Variants in IFTAP observed in about 807,000 individuals in gnomAD.
The protein encoded by IFTAP is intraflagellar transport associated protein.
IFTAP carries 19 observed loss-of-function variants against 19.4 expected under a neutral mutation model. That is an observed-to-expected ratio of 0.98 (90% CI 0.68 to 1.44). The LOEUF (loss-of-function observed/expected upper bound fraction) is 1.44, where lower values mean the gene tolerates loss of function less well. Ranked by LOEUF, IFTAP falls within the 40% of genes most tolerant of loss-of-function variation. The pLI, the probability that IFTAP is intolerant of heterozygous loss-of-function variation, is 0.00. For missense variants in IFTAP, 240 were observed against 253.6 expected (o/e 0.95, Z 0.36); for synonymous variants, 85 against 83.5 (o/e 1.02, Z -0.10).
chr11:36,619,573 C>T (rs943753402), intron 2 of IFTAP, among the ~76,000 whole-genome samples: 1 of 151,994 alleles, frequency 6.6e-6, no homozygotes, highest in African/African-American at 2.4e-5. Flanking sequence ...AAAAATAATC[C>T]TTGCTGTGTA....
chr11:36,618,602 T>C (rs1852183066), intron 2 of IFTAP, among the ~76,000 whole-genome samples: 1 of 151,792 alleles, frequency 6.6e-6, no homozygotes, highest in Non-Finnish European at 1.5e-5. Flanking sequence ...AAGAAGAGAA[T>C]ACAGAATGAC....
intron 5 of IFTAP, among the ~76,000 whole-genome samples, chr11:36,655,696 C>T (rs1853952059): frequency 6.6e-6 from 1 of 152,136 alleles, no homozygotes; most frequent in Admixed American, 6.6e-5. Context: ...GACGTTATTA[C>T]TATTTTTTAT....
At chr11:36,635,105 T>C (rs1852888373) in intron 3 of IFTAP, among the ~76,000 whole-genome samples, 1 of 152,166 alleles carries the variant, frequency 6.6e-6, no homozygotes. Context: ...AAAATTCCTA[T>C]GTAATAGCTA....
chr11:36,647,308 A>T (rs1853526846), intron 4 of IFTAP, among the ~76,000 whole-genome samples: 1 of 152,090 alleles, frequency 6.6e-6, no homozygotes, highest in Non-Finnish European at 1.5e-5. Flanking sequence ...TGTCCTCCTT[A>T]AAGAAAGCTG....
rs1439010117 is a variant in IFTAP, at chr11:36,636,121, T to A, written c.358+4T>A. On this transcript the variant is annotated splice_donor_region_variant and intron_variant, in intron 4 of 5. Coordinates refer to ENST00000334307, the MANE Select transcript of IFTAP (RefSeq NM_138787.4). The stretch of plus-strand genomic sequence containing the variant: ...ATTAAACCCCAAATGAGTGAGGGTA[T>A]GCTTTCTATTTCCTTTCTATACTAC... 1 of 1,601,844 alleles carries A rather than the reference T, an allele frequency of 6.2e-7. No homozygotes were observed. Among genetic ancestry groups the A allele is most frequent in the Non-Finnish European group, 8.6e-7 (1 of 1,169,402 alleles).
chr11:36,637,650 C>T (rs1248696114), intron 4 of IFTAP, among the ~76,000 whole-genome samples: 1 of 152,120 alleles, frequency 6.6e-6, no homozygotes, highest in African/African-American at 2.4e-5. Context: ...TGCATTTTAA[C>T]CGACACCCCC....
intron 4 of IFTAP, among the ~76,000 whole-genome samples, chr11:36,643,441 T>G (rs1470112883): frequency 6.6e-6 from 1 of 152,176 alleles, no homozygotes; most frequent in Non-Finnish European, 1.5e-5. Flanking sequence ...ATTTATAGAT[T>G]CAATGCCATC....
intron 1 of IFTAP, among the ~76,000 whole-genome samples, chr11:36,599,119 G>A (rs544901760): frequency 3.7e-4 from 56 of 152,066 alleles, no homozygotes; most frequent in African/African-American, 9.6e-4. Context: ...TCAGCCTCCC[G>A]AATAGCTGGG....
At position 36,622,088 on chromosome 11, in the gene IFTAP, T is replaced by C. The variant is rs927438667; in HGVS notation, c.137-11196T>C. 2.1e-5 allele frequency among the ~76,000 whole-genome samples: 3 copies of C among 142,418 alleles called. No homozygotes were observed. The East Asian group carries it at 8.6e-4, about 41-fold the overall frequency. The allele number at this position is 142,418 out of a possible 152,430, so 93.4% of individuals were successfully genotyped here. A position where few individuals can be genotyped will look rare whatever the true frequency, so the allele number is the denominator to read the frequency against. On this transcript the variant is annotated intron_variant, in intron 2 of 5. Coordinates refer to ENST00000334307, the MANE Select transcript of IFTAP (RefSeq NM_138787.4). Reference sequence around the variant, plus strand: ...TTACTTTAAGCTCTTGTTCTATTTTTTATTTTTTTTTTTGTGAAGGCTCTC... The same window carrying C: ...TTACTTTAAGCTCTTGTTCTATTTTCTATTTTTTTTTTTGTGAAGGCTCTC...
At position 36,657,655 on chromosome 11, in the gene IFTAP, C is replaced by T. The variant is rs181162893; in HGVS notation, c.499-1364C>T. Among the ~76,000 whole-genome samples the T allele has an allele frequency of 1.6e-4, 24 of 152,226 alleles. No homozygotes were observed. The East Asian group carries it at 4.6e-3, about 29-fold the overall frequency. Reference sequence around the variant, plus strand: ...CCTGGATCCAAATATTGCTTCTCTCCCTTACTAACTGTGTATTTTGGGCAA... The same window carrying T: ...CCTGGATCCAAATATTGCTTCTCTCTCTTACTAACTGTGTATTTTGGGCAA... On this transcript the variant is annotated intron_variant, in intron 5 of 5. Coordinates refer to ENST00000334307, the MANE Select transcript of IFTAP (RefSeq NM_138787.4).
chr11:36,650,712 C>G (rs1853684438), intron 5 of IFTAP, among the ~76,000 whole-genome samples: 1 of 152,086 alleles, frequency 6.6e-6, no homozygotes, highest in Non-Finnish European at 1.5e-5. Flanking sequence ...CCCCTTCCCC[C>G]ACCCCACAAC....
chr11:36,645,912 T>C (rs1590231384), intron 4 of IFTAP, among the ~76,000 whole-genome samples: 2 of 152,190 alleles, frequency 1.3e-5, no homozygotes, highest in African/African-American at 4.8e-5. Context: ...AAATTCCTTT[T>C]CTATCTCCAA....
chr11:36,605,802 C>A (rs1466896249), intron 1 of IFTAP, among the ~76,000 whole-genome samples: 1 of 152,142 alleles, frequency 6.6e-6, no homozygotes, highest in Non-Finnish European at 1.5e-5. Flanking sequence ...CGTTTTGAGT[C>A]TTTCATGTGG....
intron 1 of IFTAP, among the ~76,000 whole-genome samples, chr11:36,595,885 T>C (rs749856807): frequency 2.6e-5 from 4 of 152,248 alleles, no homozygotes; most frequent in Non-Finnish European, 5.9e-5. Flanking sequence ...TCAGTGGGTA[T>C]AGACAGATAA....
At chr11:36,640,462 TTACA>T (rs1188246619) in intron 4 of IFTAP, among the ~76,000 whole-genome samples, 1 of 152,236 alleles carries the variant, frequency 6.6e-6, no homozygotes, top group Non-Finnish European at 1.5e-5. Flanking sequence ...GGCACTTCTG[TTACA>T]TACTGAAATA....
At chr11:36,622,015 A>C (rs917539943) in intron 2 of IFTAP, among the ~76,000 whole-genome samples, 1 of 151,924 alleles carries the variant, frequency 6.6e-6, no homozygotes, top group Non-Finnish European at 1.5e-5. Context: ...ATAAAATAAC[A>C]ATAAGAATGA....
Position 36,610,253 on chromosome 11 carries a change from GTAAACT to G in IFTAP, c.136+16_136+21del, listed in dbSNP as rs769162533. 1.9e-6 allele frequency: 3 copies of G among 1,588,132 alleles called. No individual in the cohort carries two copies. The highest frequency in any genetic ancestry group is 2.6e-6 in the Non-Finnish European group (3 of 1,163,410). On this transcript the variant is annotated intron_variant, in intron 2 of 5. Coordinates refer to ENST00000334307, the MANE Select transcript of IFTAP (RefSeq NM_138787.4). ...ATCTTTCACAAGGTAAAATGGAGAA[GTAAACT>G]TTCTGCAGCAATGGAGATAAATAAT...
intron 5 of IFTAP, among the ~76,000 whole-genome samples, chr11:36,653,814 C>T (rs1853846616): frequency 6.6e-6 from 1 of 152,144 alleles, no homozygotes; most frequent in African/African-American, 2.4e-5. Flanking sequence ...GTGCCGAGCT[C>T]AGTGCCATGC....
chr11:36,597,606 A>G (rs1230582778), intron 1 of IFTAP: 1 of 152,232 alleles, frequency 6.6e-6, no homozygotes. Context: ...CTGGGTTTAT[A>G]GTTCCTAATA....
Sources: allele counts gnomAD v4.1 joint callset (sites outside exome capture counted in the v4.1 genomes callset), GRCh38; gene constraint gnomAD v4.1.1; transcripts MANE v1.5; gene names NCBI Gene and HGNC (gene_info 2026-07-23, HGNC 2026-07-21).